ANO10: variants seen among roughly 807,000 people sequenced by gnomAD.
The protein encoded by ANO10 is anoctamin-10.
ANO10 carries 77 observed loss-of-function variants against 74.7 expected under a neutral mutation model. The observed-to-expected ratio is 1.03, with a 90% CI of 0.86 to 1.25. The LOEUF (loss-of-function observed/expected upper bound fraction) is 1.25. Among genes scored for constraint, ANO10 ranks in the 50% most tolerant of loss-of-function variants. The pLI is 0.00. For synonymous variants in ANO10, 279 were observed against 284.9 expected, an observed-to-expected ratio of 0.98 and a Z score of 0.21; for missense variants, 721 against 778.1, an observed-to-expected ratio of 0.93 and a Z score of 0.87.
intron 11 of ANO10, chr3:43,472,719 G>A (rs1245327629): frequency 2.6e-5 from 4 of 152,180 alleles, no homozygotes; most frequent in African/African-American, 9.7e-5. Flanking sequence ...GACAATTGGG[G>A]AAATGTAAAT....
At chr3:43,563,445 C>A (rs1178706635) in intron 8 of ANO10, among the ~76,000 whole-genome samples, 5 of 114,832 alleles carry the variant, frequency 4.4e-5, no homozygotes, top group African/African-American at 6.5e-5. Flanking sequence ...TTTGAGACAT[C>A]TAAAAAAAAA....
At chr3:43,386,658 T>TGTAC (rs1176063759) in intron 12 of ANO10, among the ~76,000 whole-genome samples, 3 of 137,098 alleles carry the variant, frequency 2.2e-5, no homozygotes, top group African/African-American at 7.6e-5. Flanking sequence ...CGTGTGTGTG[T>TGTAC]GTGTGTGTGT....
chr3:43,417,315 G>C (rs565037658), intron 12 of ANO10, among the ~76,000 whole-genome samples: 2 of 152,132 alleles, frequency 1.3e-5, no homozygotes, highest in East Asian at 3.9e-4. Context: ...ACAAGATGGC[G>C]CTGGCCAAGG....
At chr3:43,555,669 A>G (rs1559693671) in intron 9 of ANO10, among the ~76,000 whole-genome samples, 200 bp from the exon 10 acceptor site, 1 of 152,240 alleles carries the variant, frequency 6.6e-6, no homozygotes, top group Non-Finnish European at 1.5e-5. Context: ...TTTCAGTTTA[A>G]GAAAAGTATT....
chr3:43,491,281 A>G (rs558011135), intron 11 of ANO10, among the ~76,000 whole-genome samples: 7 of 152,280 alleles, frequency 4.6e-5, no homozygotes, highest in Admixed American at 4.6e-4. Context: ...TGGGAGGCTG[A>G]GGCAGGCAGA....
At chr3:43,508,535 G>A in intron 11 of ANO10, among the ~76,000 whole-genome samples, 1 of 152,100 alleles carries the variant, frequency 6.6e-6, no homozygotes, top group East Asian at 1.9e-4. Context: ...CGAAGACTTG[G>A]AACCAACCCA....
chr3:43,689,898 CA>C (rs1470598615), intron 1 of ANO10, among the ~76,000 whole-genome samples: 1 of 152,114 alleles, frequency 6.6e-6, no homozygotes, highest in African/African-American at 2.4e-5. Context: ...AAAGTGAGCC[CA>C]TAGTAGACAC....
At chr3:43,525,990 C>A (rs1486727990) in intron 11 of ANO10, among the ~76,000 whole-genome samples, 2 of 152,146 alleles carry the variant, frequency 1.3e-5, no homozygotes, top group African/African-American at 4.8e-5. Flanking sequence ...ATTATTCTAT[C>A]TTCAAATGAC....
intron 1 of ANO10, among the ~76,000 whole-genome samples, chr3:43,680,626 T>C (rs1372602800): frequency 1.3e-5 from 2 of 152,018 alleles, no homozygotes; most frequent in Admixed American, 1.3e-4. Flanking sequence ...AAGACACATA[T>C]TTGTCACATT....
chr3:43,451,460 A>G (rs1483781250), intron 11 of ANO10, among the ~76,000 whole-genome samples: 1 of 152,122 alleles, frequency 6.6e-6, no homozygotes, highest in East Asian at 1.9e-4. Context: ...TCAAGTGTTG[A>G]TTCTCAAGAG....
intron 1 of ANO10, among the ~76,000 whole-genome samples, chr3:43,619,972 C>T (rs936820713): frequency 4.0e-5 from 6 of 151,716 alleles, no homozygotes; most frequent in African/African-American, 1.5e-4. Context: ...TTTGGATTCA[C>T]ACATGACATG....
chr3:43,604,388 T>C (rs2082467034), intron 2 of ANO10, among the ~76,000 whole-genome samples: 2 of 152,262 alleles, frequency 1.3e-5, no homozygotes, highest in Admixed American at 1.3e-4. Flanking sequence ...GTAAACCAAA[T>C]TGCATCTCAA....
At chr3:43,475,445 A>C (rs1465610058) in intron 11 of ANO10, among the ~76,000 whole-genome samples, 6 of 152,050 alleles carry the variant, frequency 3.9e-5, no homozygotes, top group Non-Finnish European at 7.4e-5. Flanking sequence ...ACTTGACTGA[A>C]TTTCATTTCA....
Position 43,372,995 on chromosome 3 carries a change from A to T in ANO10, c.1915-6021T>A, listed in dbSNP as rs2091672572. Reference sequence around the variant, plus strand: ...TATTCAAGTTCTTGAAGTCAGCATCACTCTCTGGCCCACAAATTGGCCAAT... The same window carrying T: ...TATTCAAGTTCTTGAAGTCAGCATCTCTCTCTGGCCCACAAATTGGCCAAT... On this transcript the variant is annotated intron_variant, in intron 12 of 12. Transcript: ENST00000292246. 4 of 783,590 alleles carry T rather than the reference A, an allele frequency of 5.1e-6. No individual in the cohort carries two copies. The Admixed American group carries it at 1.1e-4, about 21-fold the overall frequency. The allele number at this position is 783,590 out of a possible 1,614,324, so 48.5% of individuals were successfully genotyped here.
At chr3:43,420,300 G>A (rs2092800498) in intron 12 of ANO10, among the ~76,000 whole-genome samples, 1 of 151,866 alleles carries the variant, frequency 6.6e-6, no homozygotes. Context: ...ACAAAAATTA[G>A]CCCTTCATGG....
chr3:43,376,499 A>G (rs1460114006), intron 12 of ANO10, among the ~76,000 whole-genome samples: 1 of 152,178 alleles, frequency 6.6e-6, no homozygotes, highest in African/African-American at 2.4e-5. Flanking sequence ...AATCTTAAAG[A>G]AGTAATATAA....
At chr3:43,677,085 C>G (rs188784627) in intron 1 of ANO10, among the ~76,000 whole-genome samples, 3 of 152,144 alleles carry the variant, frequency 2.0e-5, no homozygotes, top group African/African-American at 7.2e-5. Context: ...ACGGAATGAA[C>G]CCAGCTGCCC....
intron 12 of ANO10, among the ~76,000 whole-genome samples, chr3:43,392,799 T>C (rs978981411): frequency 1.3e-5 from 2 of 152,096 alleles, no homozygotes; most frequent in Non-Finnish European, 2.9e-5. Flanking sequence ...ATTTAAGTTG[T>C]CTATCCTGGT....
intron 11 of ANO10, among the ~76,000 whole-genome samples, chr3:43,478,047 A>G (rs754076597): frequency 6.6e-6 from 1 of 152,102 alleles, no homozygotes; most frequent in Non-Finnish European, 1.5e-5. Context: ...CTTTTCATAT[A>G]TTTACTCATT....
Sources: allele counts gnomAD v4.1 joint callset (sites outside exome capture counted in the v4.1 genomes callset), GRCh38; gene constraint gnomAD v4.1.1; transcripts MANE v1.5; gene names NCBI Gene and HGNC (gene_info 2026-07-23, HGNC 2026-07-21).